The following KSR2 variants were observed in gnomAD, a reference collection of about 807,000 sequenced individuals.
KSR2 encodes kinase suppressor of ras 2.
A neutral mutation model predicts 107.8 loss-of-function variants in KSR2; 25 were observed. That is an observed-to-expected ratio of 0.23 (90% CI 0.17 to 0.32). The LOEUF is 0.32. Ranked by LOEUF, KSR2 falls within the 10% of genes least tolerant of loss-of-function variation. The pLI, the probability that KSR2 is intolerant of heterozygous loss-of-function variation, is 1.00. For missense variants in KSR2, 887 were observed against 1,268.9 expected (o/e 0.70, Z 4.57); for synonymous variants, 480 against 507.0 (o/e 0.95, Z 0.71).
chr12:117,486,924 C>A (rs1872497493), intron 14 of KSR2, among the ~76,000 whole-genome samples: 1 of 152,146 alleles, frequency 6.6e-6, no homozygotes, highest in Admixed American at 6.5e-5. Flanking sequence ...TGGTTAGGAG[C>A]ATGGGGGCTT....
intron 3 of KSR2, among the ~76,000 whole-genome samples, chr12:117,770,781 C>T (rs1002312506): frequency 2.0e-5 from 3 of 151,052 alleles, no homozygotes; most frequent in Admixed American, 1.3e-4. Context: ...TCCTGGCTAA[C>T]ACGGTGAAAC....
At chr12:117,496,983 T>C (rs1873067765) in intron 14 of KSR2, among the ~76,000 whole-genome samples, 1 of 151,504 alleles carries the variant, frequency 6.6e-6, no homozygotes, top group South Asian at 2.1e-4. Flanking sequence ...CCCAAGTAGC[T>C]TGTACATGGT....
intron 5 of KSR2, among the ~76,000 whole-genome samples, chr12:117,602,706 T>C (rs1881024257): frequency 1.3e-5 from 2 of 152,238 alleles, no homozygotes. Context: ...TATGCTCCTA[T>C]GAATATTTGC....
intron 5 of KSR2, among the ~76,000 whole-genome samples, chr12:117,616,177 A>AC (rs1565927699): frequency 6.7e-6 from 1 of 148,308 alleles, no homozygotes; most frequent in African/African-American, 2.5e-5. Flanking sequence ...AAAAAAAAAC[A>AC]GATTTTAAAA....
chr12:117,499,840 C>T (rs985263083), intron 14 of KSR2, among the ~76,000 whole-genome samples: 1 of 152,178 alleles, frequency 6.6e-6, no homozygotes, highest in Non-Finnish European at 1.5e-5. Context: ...ATAACCTCCA[C>T]CTCAAATGGC....
At chr12:117,667,429 G>A in intron 5 of KSR2, 45 bp downstream of exon 5, 3 of 1,560,614 alleles carry the variant, frequency 1.9e-6, no homozygotes, top group Non-Finnish European at 2.6e-6. Context: ...GGAGAAGGAG[G>A]TGGCATGGCA....
At chr12:117,661,103 G>A (rs1000893147) in intron 5 of KSR2, among the ~76,000 whole-genome samples, 3 of 152,220 alleles carry the variant, frequency 2.0e-5, no homozygotes, top group African/African-American at 2.4e-5. Context: ...CCAGCCAGGA[G>A]GAAACATCGG....
chr12:117,925,623 T>C (rs201826689), intron 1 of KSR2, among the ~76,000 whole-genome samples: 1 of 152,218 alleles, frequency 6.6e-6, no homozygotes, highest in East Asian at 1.9e-4. Flanking sequence ...GCTATTAATA[T>C]TATTACTTAC....
rs560277047 is a variant in KSR2 at position 117,632,834 on chromosome 12, C to T, written c.1171+34640G>A. Among the ~76,000 whole-genome samples, 8 of 152,268 alleles carry T rather than the reference C, an allele frequency of 5.3e-5. No homozygotes were observed. The South Asian group carries it at 1.7e-3, about 32-fold the overall frequency. On this transcript the variant is annotated intron_variant, in intron 5 of 19. Transcript: ENST00000339824. ...ATTCGTTCACTTAGGATAATGGCCT[C>T]CAGCTCCAACCATGTTGCTGCAAAG...
intron 5 of KSR2, among the ~76,000 whole-genome samples, chr12:117,585,177 A>G (rs1254208327): frequency 6.6e-6 from 1 of 152,066 alleles, no homozygotes; most frequent in Non-Finnish European, 1.5e-5. Context: ...ACATCCCAAA[A>G]TGTCAATAGC....
chr12:117,781,586 T>C (rs1392400174), intron 3 of KSR2, among the ~76,000 whole-genome samples: 1 of 152,226 alleles, frequency 6.6e-6, no homozygotes. Context: ...CCAAACCCAC[T>C]GCATTTGAGT....
intron 1 of KSR2, among the ~76,000 whole-genome samples, chr12:117,864,321 G>A (rs982333921): frequency 7.2e-5 from 11 of 152,226 alleles, no homozygotes; most frequent in Admixed American, 5.2e-4. Flanking sequence ...TGACACGGAT[G>A]TGGGATAGGA....
At position 117,761,286 on chromosome 12, in the gene KSR2, C is replaced by A. The variant is rs749850024; in HGVS notation, c.711G>T (p.Pro237=). Residue 237 remains proline, a synonymous_variant, in exon 4 of 20, where the codon CCG becomes CCT. Transcript: ENST00000339824. Reference sequence around the variant, plus strand: ...GGTGGCCCGACTCCAGTGGCGGGGGCGGGCACAAGCCCGGGTAGGCGTCCA... The same window carrying A: ...GGTGGCCCGACTCCAGTGGCGGGGGAGGGCACAAGCCCGGGTAGGCGTCCA... ...LTVDAYPGLC[P]PPPLESGHRS... 9 of 1,513,062 alleles carry A rather than the reference C, an allele frequency of 5.9e-6. No individual in the cohort carries two copies. The highest frequency in any genetic ancestry group is 7.9e-6 in the Non-Finnish European group (9 of 1,135,368). The allele number at this position is 1,513,062 out of a possible 1,614,324, so 93.7% of individuals were successfully genotyped here.
intron 3 of KSR2, among the ~76,000 whole-genome samples, chr12:117,839,187 C>T (rs1766668541): frequency 6.6e-6 from 1 of 152,220 alleles, no homozygotes; most frequent in African/African-American, 2.4e-5. Flanking sequence ...ATAAAGGCTT[C>T]AACCTTCCCC....
intron 3 of KSR2, among the ~76,000 whole-genome samples, chr12:117,840,768 C>T (rs552989559): frequency 4.8e-4 from 73 of 150,592 alleles, no homozygotes; most frequent in African/African-American, 1.5e-3. Context: ...TCTGGGAGGC[C>T]GAGGTGGGCG....
At chr12:117,875,903 C>T (rs1893833076) in intron 1 of KSR2, among the ~76,000 whole-genome samples, 1 of 152,180 alleles carries the variant, frequency 6.6e-6, no homozygotes, top group South Asian at 2.1e-4. Flanking sequence ...CAAGAGAGCA[C>T]GGGCTTTGCC....
intron 16 of KSR2, among the ~76,000 whole-genome samples, chr12:117,479,216 T>C (rs866173798): frequency 6.6e-6 from 1 of 152,146 alleles, no homozygotes; most frequent in Non-Finnish European, 1.5e-5. Flanking sequence ...AAACAGGGAC[T>C]GTAGGAAAGG....
intron 1 of KSR2, among the ~76,000 whole-genome samples, chr12:117,929,078 G>A (rs1254571979): frequency 6.6e-6 from 1 of 152,192 alleles, no homozygotes; most frequent in East Asian, 1.9e-4. Flanking sequence ...GTAGTTGTAT[G>A]ACTTCAGACA....
At chr12:117,787,731 G>A (rs1163328934) in intron 3 of KSR2, among the ~76,000 whole-genome samples, 1 of 152,166 alleles carries the variant, frequency 6.6e-6, no homozygotes, top group Non-Finnish European at 1.5e-5. Flanking sequence ...GGCACAAGAA[G>A]GAGCTTTCAG....
Sources: allele counts gnomAD v4.1 joint callset (sites outside exome capture counted in the v4.1 genomes callset), GRCh38; gene constraint gnomAD v4.1.1; transcripts MANE v1.5; gene names NCBI Gene and HGNC (gene_info 2026-07-23, HGNC 2026-07-21).